Variants in CYB5R4 observed in about 807,000 individuals in gnomAD.
The protein encoded by CYB5R4 is cytochrome b5 reductase 4.
A neutral mutation model predicts 70.2 loss-of-function variants in CYB5R4; 55 were observed. The ratio of observed to expected loss-of-function variants is 0.78; its 90% CI spans 0.63 to 0.98. CYB5R4 has a LOEUF of 0.98. Ranked by LOEUF, CYB5R4 falls within the 50% of genes least tolerant of loss-of-function variation. The pLI is 0.00. For synonymous variants in CYB5R4, 197 were observed against 199.5 expected (o/e 0.99, Z 0.11); for missense variants, 562 against 612.6 (o/e 0.92, Z 0.87).
At chr6:83,954,380 A>C (rs570909702) in intron 14 of CYB5R4, among the ~76,000 whole-genome samples, 1 of 152,288 alleles carries the variant, frequency 6.6e-6, no homozygotes, top group Admixed American at 6.5e-5. Context: ...TGTGATTTAT[A>C]CCAGCATATT....
intron 10 of CYB5R4, among the ~76,000 whole-genome samples, chr6:83,928,314 A>G (rs948856680): frequency 3.3e-5 from 5 of 152,210 alleles, no homozygotes; most frequent in Non-Finnish European, 7.3e-5. Context: ...ATAGAAAATA[A>G]GCAAACATGA....
intron 14 of CYB5R4, among the ~76,000 whole-genome samples, chr6:83,944,773 G>A (rs2099470304): frequency 1.3e-5 from 2 of 151,392 alleles, no homozygotes; most frequent in South Asian, 4.2e-4. Context: ...AAAAAAAAAA[G>A]CAGGAGTTGC....
At chr6:83,955,504 A>G (rs1410993030) in intron 15 of CYB5R4, 42 bp downstream of exon 15, 4 of 1,527,494 alleles carry the variant, frequency 2.6e-6, no homozygotes, top group East Asian at 4.6e-5. Context: ...CCAACACTGA[A>G]GTGAAGATCT....
At chr6:83,873,235 C>CTTTTTTT (rs927399068) in intron 2 of CYB5R4, among the ~76,000 whole-genome samples, 17 of 99,780 alleles carry the variant, frequency 1.7e-4, no homozygotes, top group African/African-American at 4.7e-4. Context: ...GGGTATCCTT[C>CTTTTTTT]TTTTTTTTTT....
intron 5 of CYB5R4, among the ~76,000 whole-genome samples, chr6:83,915,170 A>G (rs2099465304): frequency 6.6e-6 from 1 of 152,134 alleles, no homozygotes; most frequent in Admixed American, 6.5e-5. Flanking sequence ...AATGACTGAC[A>G]CTTCCTCTCC....
chr6:83,934,469 T>C (rs1460266354), intron 10 of CYB5R4, 126 bp from the exon 11 acceptor site: 1 of 608,242 alleles, frequency 1.6e-6, no homozygotes, highest in Non-Finnish European at 2.8e-6. Flanking sequence ...TTTTTAAATG[T>C]ATAGGCATTT....
At position 83,966,228 on chromosome 6, in the gene CYB5R4, A is replaced by G. The variant is rs2099474042; in HGVS notation, c.*6350A>G. The G allele has an allele frequency of 6.6e-6, 1 of 152,190 alleles. No individual in the cohort carries two copies. The highest frequency in any genetic ancestry group is 1.5e-5 in the Non-Finnish European group (1 of 68,038). The allele number at this position is 152,190 out of a possible 1,614,324, so 9.4% of individuals were successfully genotyped here. ...TTGCACATACTTATGAATATACCTA[A>G]AAATGTTGAATTGTACATTTTAAGT... On this transcript the variant is annotated 3_prime_UTR_variant, in exon 16 of 16. Coordinates refer to ENST00000369681, the MANE Select transcript of CYB5R4 (RefSeq NM_016230.4).
chr6:83,940,445 A>T, intron 13 of CYB5R4, 70 bp from the exon 14 acceptor site: 1 of 1,401,166 alleles, frequency 7.1e-7, no homozygotes, highest in Non-Finnish European at 9.5e-7. Context: ...GGTTCACTTT[A>T]GACTTTCCAT....
chr6:83,888,655 C>A (rs2099460628), intron 2 of CYB5R4, among the ~76,000 whole-genome samples: 1 of 152,038 alleles, frequency 6.6e-6, no homozygotes, highest in South Asian at 2.1e-4. Flanking sequence ...TCCCTGAGAC[C>A]CAACAATATT....
At chr6:83,934,821 T>A in intron 11 of CYB5R4, 86 bp downstream of exon 11, 1 of 1,225,444 alleles carries the variant, frequency 8.2e-7, no homozygotes, top group Non-Finnish European at 1.1e-6. Context: ...AAACAACCAT[T>A]TAAGTTATTA....
chr6:83,872,411 G>T (rs1213716048), intron 2 of CYB5R4, among the ~76,000 whole-genome samples: 1 of 152,140 alleles, frequency 6.6e-6, no homozygotes, highest in Admixed American at 6.6e-5. Flanking sequence ...TAGAGAATCC[G>T]CATTTACCAA....
chr6:83,940,753 A>G (rs2099469627), intron 14 of CYB5R4, 152 bp downstream of exon 14: 1 of 1,004,306 alleles, frequency 1.0e-6, no homozygotes, highest in Non-Finnish European at 1.4e-6. Context: ...ATCATGTTAA[A>G]TGTTCCCCTT....
At chr6:83,861,576 A>G (rs755945210) in intron 1 of CYB5R4, among the ~76,000 whole-genome samples, 3 of 152,166 alleles carry the variant, frequency 2.0e-5, no homozygotes, top group East Asian at 1.9e-4. Context: ...GTTTCCTGCT[A>G]CAGCCCAAAG....
At chr6:83,959,790 C>A in intron 15 of CYB5R4, 34 bp from the exon 16 acceptor site, 1 of 1,566,756 alleles carries the variant, frequency 6.4e-7, no homozygotes, top group East Asian at 2.3e-5. Context: ...AAGCATTTTC[C>A]CTAAGAAACA....
chr6:83,879,794 T>C (rs1350079635), intron 2 of CYB5R4, among the ~76,000 whole-genome samples: 4 of 152,174 alleles, frequency 2.6e-5, no homozygotes. Context: ...AGAATCCCCT[T>C]GTGTCTGAGG....
Position 83,942,495 on chromosome 6 carries a change from A to G in CYB5R4, c.1346+1894A>G, listed in dbSNP as rs1315476557. Among the ~76,000 whole-genome samples the G allele has an allele frequency of 2.0e-5, 3 of 152,178 alleles. No homozygotes were observed. In the East Asian group the frequency reaches 5.8e-4, roughly 29 times the overall value. On this transcript the variant is annotated intron_variant, in intron 14 of 15. Transcript: ENST00000369681. ...GACCAGGAGATTCCCTTGGGTGCCT[A>G]CACCACCAGGGCCCTGGGTTTCAAG...
chr6:83,950,527 G>A (rs912344156), intron 14 of CYB5R4, among the ~76,000 whole-genome samples: 6 of 152,132 alleles, frequency 3.9e-5, no homozygotes, highest in Admixed American at 2.6e-4. Flanking sequence ...TTTGTGGGGT[G>A]GGACAGGTGG....
At chr6:83,959,570 G>C (rs1182533575) in intron 15 of CYB5R4, among the ~76,000 whole-genome samples, 1 of 152,098 alleles carries the variant, frequency 6.6e-6, no homozygotes, top group African/African-American at 2.4e-5. Context: ...ATTGGCTATT[G>C]ATTGAAACTA....
intron 2 of CYB5R4, among the ~76,000 whole-genome samples, chr6:83,865,195 A>C (rs2099456546): frequency 6.6e-6 from 1 of 152,150 alleles, no homozygotes; most frequent in South Asian, 2.1e-4. Context: ...GAGGCCATTG[A>C]CTTGTATTTG....
Sources: allele counts gnomAD v4.1 joint callset (sites outside exome capture counted in the v4.1 genomes callset), GRCh38; gene constraint gnomAD v4.1.1; transcripts MANE v1.5; gene names NCBI Gene and HGNC (gene_info 2026-07-23, HGNC 2026-07-21).